NSMCE2: variants seen among roughly 807,000 people sequenced by gnomAD.
NSMCE2 encodes the protein E3 SUMO-protein ligase NSE2.
In NSMCE2, 24 loss-of-function variants were observed where a neutral mutation model predicts 23.8. That is an observed-to-expected ratio of 1.01 (90% CI 0.73 to 1.42). The LOEUF is 1.42. Ranked by LOEUF, NSMCE2 falls within the 40% of genes most tolerant of loss-of-function variation. The pLI is 0.00. For missense variants in NSMCE2, 284 were observed against 296.5 expected (o/e 0.96, Z 0.31); for synonymous variants, 92 against 94.1 (o/e 0.98, Z 0.13).
At chr8:125,100,888 A>T (rs1818155230) in intron 1 of NSMCE2, among the ~76,000 whole-genome samples, 1 of 152,178 alleles carries the variant, frequency 6.6e-6, no homozygotes, top group Non-Finnish European at 1.5e-5. Context: ...AGTGCCTGGG[A>T]TAGTGCCTGG....
chr8:125,348,488 G>A (rs1175803442), intron 5 of NSMCE2: 1 of 152,084 alleles, frequency 6.6e-6, no homozygotes, highest in Non-Finnish European at 1.5e-5. Context: ...GGGAGCATTG[G>A]AACTTATATG....
chr8:125,200,598 C>T (rs1392296587), intron 5 of NSMCE2, among the ~76,000 whole-genome samples: 1 of 152,134 alleles, frequency 6.6e-6, no homozygotes, highest in Non-Finnish European at 1.5e-5. Context: ...TCTCTGCCTG[C>T]CCTTAACATT....
At chr8:125,268,873 A>C (rs1827055483) in intron 5 of NSMCE2, among the ~76,000 whole-genome samples, 1 of 152,236 alleles carries the variant, frequency 6.6e-6, no homozygotes. Flanking sequence ...TCTTGAGCTT[A>C]GAAAATACAA....
intron 4 of NSMCE2, among the ~76,000 whole-genome samples, chr8:125,153,541 G>A (rs1050993082): frequency 2.0e-5 from 3 of 152,132 alleles, no homozygotes; most frequent in South Asian, 2.1e-4. Flanking sequence ...TTTAGTGAGC[G>A]ATAAGAATGA....
At chr8:125,221,422 T>A (rs578029445) in intron 5 of NSMCE2, among the ~76,000 whole-genome samples, 1 of 152,326 alleles carries the variant, frequency 6.6e-6, no homozygotes, top group South Asian at 2.1e-4. Context: ...TTTTGTATTT[T>A]TTGTAGACAC....
intron 5 of NSMCE2, among the ~76,000 whole-genome samples, chr8:125,205,101 C>G (rs113186642): frequency 2.6e-5 from 4 of 152,226 alleles, no homozygotes; most frequent in Non-Finnish European, 5.9e-5. Context: ...TAGACTTTCA[C>G]TCTTGCTGAT....
At chr8:125,216,212 T>A (rs375152642) in intron 5 of NSMCE2, among the ~76,000 whole-genome samples, 18,607 of 152,298 alleles carry the variant, frequency 0.12, 1,266 homozygotes, top group African/African-American at 0.16. Context: ...TTGATCCACT[T>A]ATCTGTCAAT....
At chr8:125,247,749 C>G (rs531715241) in intron 5 of NSMCE2, among the ~76,000 whole-genome samples, 1 of 151,210 alleles carries the variant, frequency 6.6e-6, no homozygotes, top group African/African-American at 2.4e-5. Context: ...AGATTTGTTT[C>G]ACTAATGTAG....
chr8:125,119,490 A>G (rs1819169570), intron 3 of NSMCE2, among the ~76,000 whole-genome samples: 2 of 152,216 alleles, frequency 1.3e-5, no homozygotes, highest in Admixed American at 1.3e-4. Context: ...AGCTTGGTTT[A>G]GGTTTCAGTG....
At chr8:125,354,940 C>G (rs1292167342) in intron 5 of NSMCE2, among the ~76,000 whole-genome samples, 2 of 152,166 alleles carry the variant, frequency 1.3e-5, no homozygotes, top group East Asian at 3.9e-4. Flanking sequence ...CATCTGGCCT[C>G]ATGCAACAAG....
At chr8:125,273,922 C>T (rs1182620551) in intron 5 of NSMCE2, among the ~76,000 whole-genome samples, 1 of 152,256 alleles carries the variant, frequency 6.6e-6, no homozygotes, top group African/African-American at 2.4e-5. Flanking sequence ...GGACCTGGAG[C>T]TAGCAGGTGC....
intron 5 of NSMCE2, among the ~76,000 whole-genome samples, chr8:125,194,520 C>T (rs1823515949): frequency 6.6e-6 from 1 of 152,054 alleles, no homozygotes; most frequent in African/African-American, 2.4e-5. Flanking sequence ...TCAGTTGTTT[C>T]CAGCTGGTGG....
chr8:125,265,622 G>A (rs998933496), intron 5 of NSMCE2, among the ~76,000 whole-genome samples: 10 of 152,150 alleles, frequency 6.6e-5, no homozygotes, highest in Admixed American at 1.3e-4. Flanking sequence ...TCTCAGGCAG[G>A]TGGCCGCCTT....
intron 5 of NSMCE2, among the ~76,000 whole-genome samples, chr8:125,208,065 A>G (rs1045489356): frequency 1.3e-5 from 2 of 152,204 alleles, no homozygotes; most frequent in African/African-American, 4.8e-5. Context: ...CATCCAGCTC[A>G]TATTCATTTG....
intron 5 of NSMCE2, among the ~76,000 whole-genome samples, chr8:125,190,048 G>A (rs1823279504): frequency 6.6e-6 from 1 of 152,172 alleles, no homozygotes; most frequent in Admixed American, 6.5e-5. Context: ...GTTGGGAGAT[G>A]CTAAAAATCT....
At chr8:125,130,440 A>T in intron 3 of NSMCE2, 1 of 241,980 alleles carries the variant, frequency 4.1e-6, no homozygotes. Flanking sequence ...ACATAATTAA[A>T]CTCTACCTCC....
Position 125,236,160 on chromosome 8 carries a change from C to T in NSMCE2, c.418+53904C>T, listed in dbSNP as rs542023679. On this transcript the variant is annotated intron_variant, in intron 5 of 7. Transcript: ENST00000287437. ...AGAAGTGGAGAACTGAAACTTTTTGCGCTTAACGTAGAATTCAGCACAATG... is the reference window on the plus strand; with the variant it reads ...AGAAGTGGAGAACTGAAACTTTTTGTGCTTAACGTAGAATTCAGCACAATG... 9.9e-5 allele frequency among the ~76,000 whole-genome samples: 15 copies of T among 152,280 alleles called. No homozygotes were observed. In the South Asian group the frequency reaches 1.5e-3, roughly 15 times the overall value.
At chr8:125,168,477 T>G (rs1354871795) in intron 4 of NSMCE2, among the ~76,000 whole-genome samples, 1 of 152,198 alleles carries the variant, frequency 6.6e-6, no homozygotes, top group Non-Finnish European at 1.5e-5. Flanking sequence ...ACAACAGACA[T>G]GTATTTCTCA....
At chr8:125,265,960 T>C (rs911848252) in intron 5 of NSMCE2, among the ~76,000 whole-genome samples, 2 of 152,234 alleles carry the variant, frequency 1.3e-5, no homozygotes, top group African/African-American at 4.8e-5. Context: ...TGTAAGCATT[T>C]CTGGATGAAT....
Sources: gnomAD v4.1 joint callset for allele counts (sites outside exome capture counted in the v4.1 genomes callset) on GRCh38, gnomAD v4.1.1 for gene constraint, MANE v1.5 for transcripts, NCBI Gene and HGNC (gene_info 2026-07-23, HGNC 2026-07-21) for gene names.